The following GABRR3 variants were observed in gnomAD, a reference collection of about 807,000 sequenced individuals.
GABRR3 encodes the protein gamma-aminobutyric acid type A receptor subunit rho3, also known as gamma-aminobutyric acid receptor subunit rho-3.
GABRR3 carries 29 observed loss-of-function variants against 43.2 expected under a neutral mutation model. The ratio of observed to expected loss-of-function variants is 0.67; its 90% CI spans 0.50 to 0.92. The LOEUF (loss-of-function observed/expected upper bound fraction) is 0.92. Among genes scored for constraint, GABRR3 ranks in the 40% least tolerant of loss-of-function variants. The pLI, the probability that GABRR3 is intolerant of heterozygous loss-of-function variation, is 0.00. For missense variants in GABRR3, 576 were observed against 572.3 expected (o/e 1.01, Z -0.07); for synonymous variants, 206 against 195.9 (o/e 1.05, Z -0.43).
downstream of GABRR3, among the ~76,000 whole-genome samples, chr3:97,985,857 ATAT>A (rs1449590316): frequency 5.1e-4 from 7 of 13,672 alleles, no homozygotes; most frequent in East Asian, 0.026. Flanking sequence ...ATATATATAT[ATAT>A]TTTTTTTTAT....
chr3:98,014,587 C>A (rs979262808), intron 4 of GABRR3, among the ~76,000 whole-genome samples: 1 of 152,116 alleles, frequency 6.6e-6, no homozygotes, highest in Admixed American at 6.5e-5. Flanking sequence ...TTAAGACTTA[C>A]ATTGAGCTGA....
chr3:97,989,180 T>C (rs1009115861), intron 9 of GABRR3, among the ~76,000 whole-genome samples: 13 of 150,164 alleles, frequency 8.7e-5, no homozygotes, highest in Non-Finnish European at 1.3e-4. Flanking sequence ...TGGTGGGTGG[T>C]GGTTAGTAAT....
chr3:98,001,297 T>C, intron 8 of GABRR3: 1 of 260,012 alleles, frequency 3.8e-6, no homozygotes, highest in East Asian at 7.1e-5. Flanking sequence ...CATGGGGAGG[T>C]TTTCTTAAAA....
intron 8 of GABRR3, chr3:97,997,417 A>C (rs1273487537): frequency 6.6e-6 from 1 of 152,224 alleles, no homozygotes; most frequent in Non-Finnish European, 1.5e-5. Flanking sequence ...TCTAAAAATA[A>C]TTTTGAAAAA....
chr3:97,995,821 A>C (rs1327028674), intron 8 of GABRR3, among the ~76,000 whole-genome samples: 1 of 152,180 alleles, frequency 6.6e-6, no homozygotes, highest in Non-Finnish European at 1.5e-5. Flanking sequence ...TTAATATCCC[A>C]ATAAAGGAGT....
rs371124117 is a variant in GABRR3, at chr3:98,009,074, A to C, written c.531-36T>G. On this transcript the variant is annotated intron_variant, in intron 5 of 9. Transcript: ENST00000621172. Reference sequence around the variant, plus strand: ...AATGAGAAAAAGAAAACTGCAGATCATTTAACCATCTGGCCAAATGAGCAT... The same window carrying C: ...AATGAGAAAAAGAAAACTGCAGATCCTTTAACCATCTGGCCAAATGAGCAT... 4 of 1,374,942 alleles carry C rather than the reference A, an allele frequency of 2.9e-6. No homozygotes were observed. In the African/African-American group the frequency reaches 5.7e-5, roughly 20 times the overall value. The allele number at this position is 1,374,942 out of a possible 1,614,324, so 85.2% of individuals were successfully genotyped here. A position where few individuals can be genotyped will look rare whatever the true frequency, so the allele number is the denominator to read the frequency against.
intron 3 of GABRR3, 33 bp downstream of exon 3, chr3:98,025,534 T>C (rs749831416): frequency 3.4e-6 from 5 of 1,459,268 alleles, no homozygotes; most frequent in Non-Finnish European, 4.7e-6. Context: ...GTGCAATGGG[T>C]TTTGAAATGA....
chr3:98,017,424 T>C (rs535095260), intron 4 of GABRR3, among the ~76,000 whole-genome samples: 66 of 152,256 alleles, frequency 4.3e-4, no homozygotes, highest in African/African-American at 1.5e-3. Context: ...GTTCCACCAC[T>C]AGAAATCCAT....
chr3:97,995,657 TGAATGATGA>T (rs1422675455), intron 8 of GABRR3, among the ~76,000 whole-genome samples: 1 of 147,748 alleles, frequency 6.8e-6, no homozygotes, highest in Non-Finnish European at 1.5e-5. Flanking sequence ...GTAGGGGGAG[TGAATGATGA>T]GAAAACTGAG....
At chr3:97,994,222 C>G (rs1220930650) in intron 8 of GABRR3, among the ~76,000 whole-genome samples, 1 of 152,240 alleles carries the variant, frequency 6.6e-6, no homozygotes, top group Non-Finnish European at 1.5e-5. Flanking sequence ...CTTTCACCAA[C>G]ACCTTTCTAT....
At chr3:98,002,530 A>G (rs574255183) in intron 7 of GABRR3, among the ~76,000 whole-genome samples, 2 of 152,260 alleles carry the variant, frequency 1.3e-5, no homozygotes, top group Admixed American at 1.3e-4. Flanking sequence ...ACCATTCTTT[A>G]ATGACCACAT....
intron 7 of GABRR3, among the ~76,000 whole-genome samples, chr3:98,005,283 A>C (rs1706711650): frequency 6.6e-6 from 1 of 151,818 alleles, no homozygotes; most frequent in South Asian, 2.1e-4. Flanking sequence ...TGCACTCATA[A>C]ATATGTATAC....
chr3:97,986,782 G>T (rs960843420), exon 10 of GABRR3: 8 of 1,609,882 alleles, frequency 5.0e-6, no homozygotes, highest in Non-Finnish European at 6.8e-6. Context: ...TTTCCAGAAT[G>T]ATTCTACCAA....
intron 9 of GABRR3, among the ~76,000 whole-genome samples, chr3:97,992,175 G>A (rs1290972227): frequency 6.6e-6 from 1 of 152,084 alleles, no homozygotes; most frequent in Non-Finnish European, 1.5e-5. Flanking sequence ...GAGCCCAGAA[G>A]GCACCTCATT....
intron 4 of GABRR3, 100 bp downstream of exon 4, chr3:98,017,555 A>G (rs1218834669): frequency 2.5e-6 from 2 of 815,556 alleles, no homozygotes; most frequent in African/African-American, 1.7e-5. Context: ...GACATAAATA[A>G]CATACATAAT....
intron 3 of GABRR3, 89 bp downstream of exon 3, chr3:98,025,473 GACTTT>G (rs1706998796): frequency 1.4e-6 from 1 of 727,170 alleles, no homozygotes; most frequent in Admixed American, 3.2e-5. Context: ...TAAACTGATG[GACTTT>G]ACTTGCATTT....
intron 4 of GABRR3, among the ~76,000 whole-genome samples, chr3:98,014,190 C>A (rs555616381): frequency 1.4e-3 from 217 of 152,274 alleles, no homozygotes; most frequent in Non-Finnish European, 2.6e-3. Context: ...GCACAGCTAA[C>A]CTTATTCAGG....
intron 3 of GABRR3, among the ~76,000 whole-genome samples, chr3:98,018,609 T>A (rs1433497745): frequency 1.3e-5 from 2 of 152,162 alleles, no homozygotes; most frequent in Non-Finnish European, 2.9e-5. Context: ...AACATTTAGT[T>A]TTGCGATGGA....
In GABRR3 at chr3:97,989,453, GTGGTGGTGGTGGTGGA is replaced by G. The variant is rs1369479855; in HGVS notation, c.1105-2487_1105-2472del. Among the ~76,000 whole-genome samples the G allele has an allele frequency of 4.5e-3, 676 of 148,822 alleles. 3 individuals are homozygous for G. The highest frequency in any genetic ancestry group is 0.016 in the African/African-American group (636 of 40,452). On this transcript the variant is annotated intron_variant, in intron 9 of 9. Transcript: ENST00000621172. ...GGTGAGTAGTGGTGGTGGGTGGTGG[GTGGTGGTGGTGGTGGA>G]TGGTGGTAGAGGGTGGATGGTGCTG...
Sources: allele counts gnomAD v4.1 joint callset (sites outside exome capture counted in the v4.1 genomes callset), GRCh38; gene constraint gnomAD v4.1.1; transcripts MANE v1.5; gene names NCBI Gene and HGNC (gene_info 2026-07-23, HGNC 2026-07-21).